Variants in ARID2 observed in about 807,000 individuals in gnomAD.
ARID2 encodes the protein AT-rich interaction domain 2.
ARID2 carries 32 observed loss-of-function variants against 184.6 expected under a neutral mutation model. The ratio of observed to expected loss-of-function variants is 0.17; its 90% CI spans 0.13 to 0.23. The LOEUF is 0.23. ARID2 is among the 10% of genes least tolerant of loss of function. The pLI, the probability that ARID2 is intolerant of heterozygous loss-of-function variation, is 1.00. For synonymous variants in ARID2, 836 were observed against 772.6 expected (o/e 1.08, Z -1.36); for missense variants, 1,696 against 2,197.6 (o/e 0.77, Z 4.56).
intron 3 of ARID2, among the ~76,000 whole-genome samples, chr12:45,774,990 G>A (rs945188220): frequency 3.9e-5 from 6 of 152,110 alleles, no homozygotes. Context: ...CTGGCATTTA[G>A]TGAATAGTGG....
intron 15 of ARID2, among the ~76,000 whole-genome samples, chr12:45,855,271 C>T (rs7137178): frequency 3.9e-5 from 6 of 152,258 alleles, no homozygotes; most frequent in Admixed American, 2.0e-4. Flanking sequence ...GCCAAGAAAT[C>T]AATACATTTT....
intron 18 of ARID2, 23 bp from the exon 19 acceptor site, chr12:45,893,397 C>G (rs1299555403): frequency 3.1e-6 from 5 of 1,597,770 alleles, no homozygotes. Flanking sequence ...TTCTCTCTCT[C>G]TCTCTCTCTC....
intron 11 of ARID2, chr12:45,842,276 CATACACACACATATGTGTGTGTATAT>C (rs1943358929): frequency 6.7e-6 from 1 of 149,236 alleles, no homozygotes; most frequent in Non-Finnish European, 1.5e-5. Context: ...CATATATACA[CATACACACACATATGTGTGTGTATAT>C]ATATACACAC....
intron 16 of ARID2, among the ~76,000 whole-genome samples, chr12:45,891,114 G>A (rs1481831544): frequency 4.0e-5 from 6 of 150,740 alleles, no homozygotes; most frequent in African/African-American, 9.8e-5. Context: ...GCAGTGAGCC[G>A]AGATCGCACC....
At chr12:45,838,112 A>G (rs1943254216) in intron 10 of ARID2, among the ~76,000 whole-genome samples, 1 of 152,186 alleles carries the variant, frequency 6.6e-6, no homozygotes. Flanking sequence ...TATCTAACTT[A>G]TCTGAGAGCA....
chr12:45,763,405 G>A (rs1941716214), intron 3 of ARID2, among the ~76,000 whole-genome samples: 1 of 151,986 alleles, frequency 6.6e-6, no homozygotes, highest in Admixed American at 6.6e-5. Flanking sequence ...AGGAGGCGGA[G>A]GTTGCAGTGA....
intron 16 of ARID2, among the ~76,000 whole-genome samples, chr12:45,865,136 A>G (rs1341511262): frequency 6.6e-6 from 1 of 152,130 alleles, no homozygotes; most frequent in Non-Finnish European, 1.5e-5. Flanking sequence ...TAAGTGTTTG[A>G]TAGTTTTCCT....
chr12:45,788,052 A>G (rs1227705964), intron 3 of ARID2, among the ~76,000 whole-genome samples: 1 of 152,186 alleles, frequency 6.6e-6, no homozygotes, highest in Admixed American at 6.5e-5. Context: ...ACATTGTGGA[A>G]TGGTTAAACC....
chr12:45,890,939 G>T (rs1944291872), intron 16 of ARID2, among the ~76,000 whole-genome samples: 1 of 152,054 alleles, frequency 6.6e-6, no homozygotes, highest in Non-Finnish European at 1.5e-5. Flanking sequence ...GGCCAAGGCG[G>T]GCAGATCATG....
rs529184916 is a variant in ARID2 at position 45,808,860 on chromosome 12, A to T, written c.285-2558A>T. On this transcript the variant is annotated intron_variant, in intron 3 of 20. Transcript: ENST00000334344. ...GCTCACTGTAACCTCGGCCTCCCAG[A>T]TTCAAACAATTCTTGTACTTCAGCC... Among the ~76,000 whole-genome samples the T allele has an allele frequency of 3.9e-5, 6 of 152,198 alleles. No individual in the cohort carries two copies. The East Asian group carries it at 1.2e-3, about 29-fold the overall frequency.
Position 45,836,616 on chromosome 12 carries a change from GA to G in ARID2, c.735del (p.Val246PhefsTer46). Reference protein sequence around the residue: ...KFWKDIVDDNEVRDLISDRNK... With the variant: ...KFWKDIVDDNXVRDLISDRNK... ...TTGGAAAGACATCGTTGATGATAAT[GA>G]AGTTCGTGACCTCATTTCTGACAGA... is the stretch of plus-strand genomic sequence containing the variant. On this transcript the variant is annotated frameshift_variant, in exon 7 of 21. Transcript: ENST00000334344. LOFTEE classifies it high-confidence loss of function. 1 of 1,610,386 alleles carries G rather than the reference GA, an allele frequency of 6.2e-7. No homozygotes were observed. The highest frequency in any genetic ancestry group is 1.1e-5 in the South Asian group (1 of 89,834).
At chr12:45,823,735 C>T (rs773013279) in intron 6 of ARID2, among the ~76,000 whole-genome samples, 11 of 151,910 alleles carry the variant, frequency 7.2e-5, no homozygotes, top group Admixed American at 3.3e-4. Flanking sequence ...CAAGATTGAA[C>T]CAGGAAGTAA....
At chr12:45,795,828 C>T (rs1592081807) in intron 3 of ARID2, among the ~76,000 whole-genome samples, 1 of 152,052 alleles carries the variant, frequency 6.6e-6, no homozygotes, top group East Asian at 1.9e-4. Flanking sequence ...CTTGCCTTTG[C>T]TCCCCACTTC....
At chr12:45,730,624 C>T (rs1293715825) in intron 2 of ARID2, among the ~76,000 whole-genome samples, 2 of 151,974 alleles carry the variant, frequency 1.3e-5, no homozygotes, top group Admixed American at 6.5e-5. Context: ...TAATCGGCTG[C>T]GAAATAATCC....
At chr12:45,899,462 T>A (rs200228322) in intron 20 of ARID2, among the ~76,000 whole-genome samples, 1 of 148,156 alleles carries the variant, frequency 6.7e-6, no homozygotes, top group Non-Finnish European at 1.5e-5. Context: ...AAAAATTAGC[T>A]GGGCGTGGTG....
chr12:45,860,160 A>G (rs888679193), intron 15 of ARID2, among the ~76,000 whole-genome samples: 1 of 152,238 alleles, frequency 6.6e-6, no homozygotes. Flanking sequence ...ATTTGAGATT[A>G]TAGTGAGCTA....
chr12:45,828,596 G>A (rs1030823654), intron 6 of ARID2, among the ~76,000 whole-genome samples: 1 of 151,868 alleles, frequency 6.6e-6, no homozygotes, highest in African/African-American at 2.4e-5. Context: ...GTAGTATGTC[G>A]GTTCCAGTTC....
At chr12:45,795,816 T>G (rs2089608994) in intron 3 of ARID2, among the ~76,000 whole-genome samples, 1 of 152,126 alleles carries the variant, frequency 6.6e-6, no homozygotes, top group Non-Finnish European at 1.5e-5. Context: ...CCTTTTCCTT[T>G]ACTTGCCTTT....
intron 3 of ARID2, among the ~76,000 whole-genome samples, chr12:45,808,688 C>T (rs928889429): frequency 3.7e-4 from 56 of 151,904 alleles, no homozygotes; most frequent in African/African-American, 1.3e-3. Context: ...TCTTTACTAA[C>T]AATGTTGCTT....
Sources: allele counts gnomAD v4.1 joint callset (sites outside exome capture counted in the v4.1 genomes callset), GRCh38; gene constraint gnomAD v4.1.1; transcripts MANE v1.5; gene names NCBI Gene and HGNC (gene_info 2026-07-23, HGNC 2026-07-21).